Variants in TBC1D4 observed in about 807,000 individuals in gnomAD.
TBC1D4 encodes the protein TBC1 domain family member 4.
In TBC1D4, 121 loss-of-function variants were observed where a neutral mutation model predicts 142.5. The observed-to-expected ratio is 0.85, with a 90% CI of 0.73 to 0.99. The LOEUF (loss-of-function observed/expected upper bound fraction) is 0.99, where lower values mean the gene tolerates loss of function less well. Among genes scored for constraint, TBC1D4 ranks in the 50% least tolerant of loss-of-function variants. The pLI, the probability that TBC1D4 is intolerant of heterozygous loss-of-function variation, is 0.00. For synonymous variants in TBC1D4, 630 were observed against 628.2 expected, an observed-to-expected ratio of 1.00 and a Z score of -0.04; for missense variants, 1,475 against 1,606.6, an observed-to-expected ratio of 0.92 and a Z score of 1.40.
chr13:75,354,539 G>A (rs1346111689), intron 4 of TBC1D4, among the ~76,000 whole-genome samples: 3 of 152,214 alleles, frequency 2.0e-5, no homozygotes, highest in Admixed American at 1.3e-4. Context: ...AAGTAGAGAA[G>A]TTAGGTAAAT....
intron 1 of TBC1D4, among the ~76,000 whole-genome samples, chr13:75,388,679 A>G (rs1884311978): frequency 6.6e-6 from 1 of 152,172 alleles, no homozygotes; most frequent in South Asian, 2.1e-4. Context: ...GACAAATAAC[A>G]TCTTAACATT....
At chr13:75,446,032 G>C (rs1174187116) in intron 1 of TBC1D4, among the ~76,000 whole-genome samples, 2 of 152,218 alleles carry the variant, frequency 1.3e-5, no homozygotes, top group East Asian at 3.8e-4. Flanking sequence ...TGGCCTAACA[G>C]AATGTTTAAG....
At chr13:75,318,489 A>G (rs1471075554) in intron 12 of TBC1D4, among the ~76,000 whole-genome samples, 1 of 152,252 alleles carries the variant, frequency 6.6e-6, no homozygotes, top group Non-Finnish European at 1.5e-5. Context: ...CGAAAGCTGA[A>G]AAAGCTTTCT....
intron 1 of TBC1D4, among the ~76,000 whole-genome samples, chr13:75,436,719 C>T (rs1041015651): frequency 8.6e-5 from 13 of 151,682 alleles, no homozygotes; most frequent in African/African-American, 3.1e-4. Context: ...GGGCAAGAAT[C>T]ATCAATGGAC....
At position 75,390,864 on chromosome 13, in the gene TBC1D4, AGGG is replaced by A. The variant is rs1566452714; in HGVS notation, c.499-28260_499-28258del. Among the ~76,000 whole-genome samples the A allele has an allele frequency of 9.9e-3, 32 of 3,238 alleles. 1 individual carries two copies. Among genetic ancestry groups the A allele is most frequent in the Non-Finnish European group, 0.012 (19 of 1,634 alleles). 2.1% of individuals were successfully genotyped at this position (3,238 alleles called of 152,430 possible). A position where few individuals can be genotyped will look rare whatever the true frequency, so the allele number is the denominator to read the frequency against. On this transcript the variant is annotated intron_variant, in intron 1 of 20. Transcript: ENST00000377636. ...GAAGGAAGGGAGGGGAGGGGAGGGGAGGGGAGGGGAGGGGAGGGGAGGGAAGGT... is the reference window on the plus strand; with the variant it reads ...GAAGGAAGGGAGGGGAGGGGAGGGGAGAGGGGAGGGGAGGGGAGGGAAGGT...
intron 8 of TBC1D4, among the ~76,000 whole-genome samples, chr13:75,335,916 A>G (rs1422920635): frequency 1.3e-5 from 2 of 152,234 alleles, no homozygotes; most frequent in Admixed American, 1.3e-4. Context: ...GAACTAATAC[A>G]ATGGGCAAAA....
intron 19 of TBC1D4, among the ~76,000 whole-genome samples, chr13:75,291,554 C>T (rs1442421154): frequency 1.3e-5 from 2 of 152,140 alleles, no homozygotes; most frequent in East Asian, 1.9e-4. Flanking sequence ...AAGACTGATA[C>T]ACCAAGTCTC....
In TBC1D4 at chr13:75,437,288, C is replaced by T. The variant is rs79313067; in HGVS notation, c.498+43982G>A. On this transcript the variant is annotated intron_variant, in intron 1 of 20. Coordinates refer to ENST00000377636, the MANE Select transcript of TBC1D4 (RefSeq NM_014832.5). ...GGTGTCCTTGATTTCAGGAAAAATC[C>T]AACGAAGCATTAAGGGGGCAGGACA... Among the ~76,000 whole-genome samples, 27 of 152,104 alleles carry T rather than the reference C, an allele frequency of 1.8e-4. No homozygotes were observed. The East Asian group carries it at 5.2e-3, about 29-fold the overall frequency.
intron 5 of TBC1D4, among the ~76,000 whole-genome samples, chr13:75,345,650 T>C (rs954872930): frequency 3.3e-5 from 5 of 151,656 alleles, no homozygotes; most frequent in African/African-American, 1.2e-4. Flanking sequence ...CCTAGCACTT[T>C]GGGAGGCCAA....
chr13:75,473,171 C>T (rs1282051822), intron 1 of TBC1D4, among the ~76,000 whole-genome samples: 6 of 151,130 alleles, frequency 4.0e-5, no homozygotes, highest in Admixed American at 1.3e-4. Context: ...CTAATTTTTG[C>T]TATTTTTTTA....
intron 1 of TBC1D4, among the ~76,000 whole-genome samples, chr13:75,460,219 C>T (rs1887909883): frequency 6.6e-6 from 1 of 152,020 alleles, no homozygotes; most frequent in South Asian, 2.1e-4. Flanking sequence ...ACAAAAATGG[C>T]CCTATCTATA....
chr13:75,303,279 T>C (rs1399657290), intron 15 of TBC1D4, among the ~76,000 whole-genome samples: 1 of 151,740 alleles, frequency 6.6e-6, no homozygotes, highest in Non-Finnish European at 1.5e-5. Context: ...ATCTCACCAC[T>C]GCACTCCAGC....
intron 1 of TBC1D4, among the ~76,000 whole-genome samples, chr13:75,430,982 C>T (rs983851129): frequency 6.6e-6 from 1 of 152,120 alleles, no homozygotes; most frequent in African/African-American, 2.4e-5. Flanking sequence ...TTAAAATAAG[C>T]TGGACTCAAA....
At chr13:75,337,369 C>G (rs1205666269) in intron 7 of TBC1D4, among the ~76,000 whole-genome samples, 1 of 152,200 alleles carries the variant, frequency 6.6e-6, no homozygotes, top group Non-Finnish European at 1.5e-5. Context: ...CTATAACCAT[C>G]CCTTTCCAAG....
At chr13:75,334,827 T>C (rs1462481845) in intron 8 of TBC1D4, among the ~76,000 whole-genome samples, 1 of 152,040 alleles carries the variant, frequency 6.6e-6, no homozygotes. Context: ...GTTACATGAG[T>C]AAGTTCTTTA....
intron 18 of TBC1D4, 26 bp from the exon 19 acceptor site, chr13:75,292,297 G>A: frequency 4.4e-6 from 7 of 1,584,158 alleles, no homozygotes; most frequent in Non-Finnish European, 6.0e-6. Flanking sequence ...TAATTTTCAT[G>A]ATCAAAACTA....
chr13:75,437,365 A>C (rs1886841681), intron 1 of TBC1D4, among the ~76,000 whole-genome samples: 1 of 152,212 alleles, frequency 6.6e-6, no homozygotes, highest in South Asian at 2.1e-4. Flanking sequence ...TATAGTAACA[A>C]GGAGAACTAT....
intron 1 of TBC1D4, among the ~76,000 whole-genome samples, chr13:75,379,264 A>G (rs1206609799): frequency 2.0e-5 from 3 of 148,948 alleles, no homozygotes; most frequent in African/African-American, 7.5e-5. Context: ...ACACACATGC[A>G]CACACACACA....
chr13:75,411,114 A>T (rs1354154670), intron 1 of TBC1D4, among the ~76,000 whole-genome samples: 4 of 152,122 alleles, frequency 2.6e-5, no homozygotes, highest in African/African-American at 7.2e-5. Context: ...TTTCCAACAA[A>T]TGGTTTAAAC....
Sources: gnomAD v4.1 joint callset for allele counts (sites outside exome capture counted in the v4.1 genomes callset) on GRCh38, gnomAD v4.1.1 for gene constraint, MANE v1.5 for transcripts, NCBI Gene and HGNC (gene_info 2026-07-23, HGNC 2026-07-21) for gene names.